The following NCOR1 variants were observed in gnomAD, a reference collection of about 807,000 sequenced individuals.
The protein encoded by NCOR1 is protein phosphatase 1, regulatory subunit 109.
Under a neutral mutation model 288.1 loss-of-function variants are expected in NCOR1, and 63 were observed. That is an observed-to-expected ratio of 0.22 (90% CI 0.18 to 0.27). The LOEUF is 0.27. NCOR1 is among the 10% of genes least tolerant of loss of function. The pLI is 1.00. For missense variants in NCOR1, 2,397 were observed against 3,019.2 expected, an observed-to-expected ratio of 0.79 and a Z score of 4.83; for synonymous variants, 1,007 against 1,065.9, an observed-to-expected ratio of 0.94 and a Z score of 1.08.
At position 16,165,288 on chromosome 17, in the gene NCOR1, G is replaced by A. The variant is rs533730138; in HGVS notation, c.436-127C>T. 7 of 680,524 alleles carry A rather than the reference G, an allele frequency of 1.0e-5. 1 individual carries two copies. The South Asian group carries it at 1.8e-4, about 17-fold the overall frequency. 42.2% of individuals were successfully genotyped at this position (680,524 alleles called of 1,614,324 possible). On this transcript the variant is annotated intron_variant, in intron 4 of 45. Transcript: ENST00000268712. ...TACTATTTGTCTAATGAAACTTTTA[G>A]TAGTAACTTTCATATTCACATACAT...
chr17:16,143,492 ACT>A (rs1298185652), intron 11 of NCOR1, 112 bp downstream of exon 11: 14 of 737,738 alleles, frequency 1.9e-5, no homozygotes, highest in Non-Finnish European at 2.9e-5. Flanking sequence ...GACAGTCTAA[ACT>A]CTAGCACTCA....
At chr17:16,148,832 T>C (rs934997719) in intron 9 of NCOR1, among the ~76,000 whole-genome samples, 1 of 152,180 alleles carries the variant, frequency 6.6e-6, no homozygotes, top group Admixed American at 6.5e-5. Flanking sequence ...ACAAAGTTCA[T>C]TTTTGATGTC....
intron 26 of NCOR1, 143 bp downstream of exon 26, chr17:16,079,821 A>G (rs2152810180): frequency 1.7e-6 from 1 of 594,434 alleles, no homozygotes; most frequent in South Asian, 2.5e-5. Context: ...CTCTGTGGAG[A>G]CAGTTTGCAG....
intron 14 of NCOR1, among the ~76,000 whole-genome samples, chr17:16,127,339 A>ATGTATG (rs2074489533): frequency 1.2e-4 from 4 of 33,962 alleles, no homozygotes; most frequent in African/African-American, 4.4e-4. Context: ...GTATATATAC[A>ATGTATG]TGTATGTATA....
chr17:16,082,980 A>G (rs1300867152), intron 23 of NCOR1, among the ~76,000 whole-genome samples: 1 of 152,158 alleles, frequency 6.6e-6, no homozygotes, highest in Non-Finnish European at 1.5e-5. Context: ...ATGAGCAACA[A>G]GAAATTCATG....
At chr17:16,063,169 A>AT (rs975572584) in intron 35 of NCOR1, among the ~76,000 whole-genome samples, 2 of 152,000 alleles carry the variant, frequency 1.3e-5, no homozygotes, top group Non-Finnish European at 2.9e-5. Flanking sequence ...ATGAATATTT[A>AT]TTTTTTTAAT....
At chr17:16,153,617 T>C (rs1041681342) in intron 6 of NCOR1, among the ~76,000 whole-genome samples, 1 of 152,214 alleles carries the variant, frequency 6.6e-6, no homozygotes, top group Non-Finnish European at 1.5e-5. Flanking sequence ...TGTATTGTCA[T>C]AGCTTTCCTC....
In NCOR1 at chr17:16,101,636, T is replaced by G; in HGVS notation, c.2304A>C (p.Ala768=). The change falls in exon 20 of 46, where the codon GCA becomes GCC. Residue 768 remains alanine, a synonymous_variant. Transcript: ENST00000268712. The stretch of plus-strand genomic sequence containing the variant: ...CTTCAGCTGGTTTTGTACTTGGAAC[T>G]GCTAAGGAGGGAGATGTACTGGGTG... ...ETAPSTSPSL[A]VPSTKPAEDE... is the part of the protein sequence containing the mutation. The G allele has an allele frequency of 6.2e-7, 1 of 1,614,214 alleles. No homozygotes were observed. The highest frequency in any genetic ancestry group is 8.5e-7 in the Non-Finnish European group (1 of 1,180,040).
rs1165542080 is a variant in NCOR1, at chr17:16,091,706, C to A, written c.3016+157G>T. 2.8e-6 allele frequency: 4 copies of A among 1,448,216 alleles called. No individual in the cohort carries two copies. The African/African-American group carries it at 4.3e-5, about 15-fold the overall frequency. 89.7% of individuals were successfully genotyped at this position (1,448,216 alleles called of 1,614,324 possible). A position where few individuals can be genotyped will look rare whatever the true frequency, so the allele number is the denominator to read the frequency against. On this transcript the variant is annotated intron_variant, in intron 22 of 45. Transcript: ENST00000268712. The stretch of plus-strand genomic sequence containing the variant: ...GTAGTTAATAATACTAACATTTCTT[C>A]ATAGTTTAAGGTCAATTTAAGGAAC...
At chr17:16,097,772 G>GGAAT (rs1000804528) in intron 21 of NCOR1, among the ~76,000 whole-genome samples, 2 of 152,208 alleles carry the variant, frequency 1.3e-5, no homozygotes, top group African/African-American at 4.8e-5. Context: ...GAGAGTCGGA[G>GGAAT]GAATCCCCAG....
At chr17:16,062,047 A>T in intron 36 of NCOR1, 58 bp downstream of exon 36, 1 of 1,594,674 alleles carries the variant, frequency 6.3e-7, no homozygotes, top group Non-Finnish European at 8.5e-7. Flanking sequence ...TGCAGTCACA[A>T]ATTTTAAAAT....
chr17:16,159,990 C>A (rs143637824), intron 5 of NCOR1, among the ~76,000 whole-genome samples: 2,246 of 152,090 alleles, frequency 0.015, 23 homozygotes, highest in Non-Finnish European at 0.022. Flanking sequence ...CCACCATGCC[C>A]GGCTAATTTC....
Position 16,080,028 on chromosome 17 carries a change from C to T in NCOR1, c.3437G>A (p.Arg1146Gln), listed in dbSNP as rs968995022. 11 of 1,613,816 alleles carry T rather than the reference C, an allele frequency of 6.8e-6. No homozygotes were observed. Among genetic ancestry groups the T allele is most frequent in the East Asian group, 4.5e-5 (2 of 44,874 alleles). The change falls in exon 26 of 46, where the codon CGG (arginine) becomes CAG (glutamine). Residue 1146 changes from arginine to glutamine, a missense_variant. Transcript: ENST00000268712. Reference protein sequence around the residue: ...AGAIQEGSITRGTPTSKISVE... With the variant: ...AGAIQEGSITQGTPTSKISVE... Reference sequence around the variant, plus strand: ...TGAAATTTTGCTGGTTGGAGTTCCCCGAGTTATACTTCCTTCTTGTATGGC... The same window carrying T: ...TGAAATTTTGCTGGTTGGAGTTCCCTGAGTTATACTTCCTTCTTGTATGGC...
chr17:16,168,106 G>T lies in NCOR1; in HGVS notation c.436-2945C>A, dbSNP rs74255322. 1.6e-4 allele frequency among the ~76,000 whole-genome samples: 24 copies of T among 152,214 alleles called. 1 individual carries two copies. The highest frequency in any genetic ancestry group is 5.8e-4 in the African/African-American group (24 of 41,542). ...TAAGTTTTACTAACAAATAATAAGTGTAAGTTAAAAACAATCATTCATCAA... is the reference window on the plus strand; with the variant it reads ...TAAGTTTTACTAACAAATAATAAGTTTAAGTTAAAAACAATCATTCATCAA... On this transcript the variant is annotated intron_variant, in intron 4 of 45. Coordinates refer to ENST00000268712, the MANE Select transcript of NCOR1 (RefSeq NM_006311.4).
chr17:16,042,095 TGA>T (rs774104186), intron 42 of NCOR1, among the ~76,000 whole-genome samples: 1 of 152,016 alleles, frequency 6.6e-6, no homozygotes, highest in African/African-American at 2.4e-5. Flanking sequence ...GCTGAGCACA[TGA>T]GAGGAGGGAA....
Position 16,039,442 on chromosome 17 carries a change from G to A in NCOR1, c.6946C>T (p.Pro2316Ser). The change falls in exon 44 of 46, where the codon CCT (proline) becomes TCT (serine). Residue 2316 changes from proline to serine, a missense_variant. Around this residue, in one of 11 missense-constraint regions of NCOR1, gnomAD observed 1,872 missense variants for 2,187.8 expected, o/e 0.86. Coordinates refer to ENST00000268712, the MANE Select transcript of NCOR1 (RefSeq NM_006311.4). Reference sequence around the variant, plus strand: ...AAAATGAAAGCTGTACCTGAATGAGGTGATGGGTCCCCTTCCTCTCTTCGT... The same window carrying A: ...AAAATGAAAGCTGTACCTGAATGAGATGATGGGTCCCCTTCCTCTCTTCGT... ...ETRREEGDPS[P>S]HSGGVCKPKL... The A allele has an allele frequency of 6.2e-7, 1 of 1,613,812 alleles. No individual in the cohort carries two copies. The highest frequency in any genetic ancestry group is 1.1e-5 in the South Asian group (1 of 91,056).
rs776513941 is a variant in NCOR1 at position 16,096,462 on chromosome 17, T to C, written c.2820+1905A>G. ...ATATAAAAATAAACTAGACTTGAAA[T>C]TGTATACTGGAGTTAGCCATAATCT... On this transcript the variant is annotated intron_variant, in intron 21 of 45. Coordinates refer to ENST00000268712, the MANE Select transcript of NCOR1 (RefSeq NM_006311.4). Among the ~76,000 whole-genome samples, 134 of 152,290 alleles carry C rather than the reference T, an allele frequency of 8.8e-4. 1 individual carries two copies. The highest frequency in any genetic ancestry group is 3.5e-3 in the South Asian group (17 of 4,830).
At chr17:16,111,445 T>G (rs1354879103) in intron 18 of NCOR1, among the ~76,000 whole-genome samples, 2 of 151,732 alleles carry the variant, frequency 1.3e-5, no homozygotes, top group Non-Finnish European at 2.9e-5. Context: ...CTACTAAAAA[T>G]ACAAACATTA....
chr17:16,125,716 A>C (rs938095738), intron 15 of NCOR1, among the ~76,000 whole-genome samples: 14 of 151,964 alleles, frequency 9.2e-5, no homozygotes, highest in East Asian at 1.9e-4. Flanking sequence ...AAAAAAAAAA[A>C]AAAAAACTAT....
Sources: allele counts gnomAD v4.1 joint callset (sites outside exome capture counted in the v4.1 genomes callset), GRCh38; gene constraint gnomAD v4.1.1; regional missense constraint gnomAD v4.1.1; transcripts MANE v1.5; gene names NCBI Gene and HGNC (gene_info 2026-07-23, HGNC 2026-07-21).